Variants in PDE1A observed in about 807,000 individuals in gnomAD.
PDE1A encodes the protein phosphodiesterase 1A, also known as dual specificity calcium/calmodulin-dependent 3',5'-cyclic nucleotide phosphodiesterase 1A.
PDE1A carries 35 observed loss-of-function variants against 61.7 expected under a neutral mutation model. The ratio of observed to expected loss-of-function variants is 0.57; its 90% CI spans 0.43 to 0.75. PDE1A has a LOEUF of 0.75. PDE1A is among the 30% of genes least tolerant of loss of function. PDE1A has a pLI of 0.00. For missense variants in PDE1A, 597 were observed against 630.6 expected, an observed-to-expected ratio of 0.95 and a Z score of 0.57; for synonymous variants, 232 against 213.2, an observed-to-expected ratio of 1.09 and a Z score of -0.77.
At chr2:182,685,340 A>G in the PDE1A span, among the ~76,000 whole-genome samples, 1 of 152,142 alleles carries the variant, frequency 6.6e-6, no homozygotes, top group Non-Finnish European at 1.5e-5. Context: ...TTTTTAGTAA[A>G]TCAGCTAATG....
At chr2:182,445,857 C>A (rs1685096673) in intron 2 of PDE1A, among the ~76,000 whole-genome samples, 1 of 152,036 alleles carries the variant, frequency 6.6e-6, no homozygotes, top group Non-Finnish European at 1.5e-5. Flanking sequence ...AACCCTCAAT[C>A]ATGACATTTA....
the PDE1A span, among the ~76,000 whole-genome samples, chr2:182,690,350 C>T: frequency 6.6e-6 from 1 of 152,292 alleles, no homozygotes; most frequent in African/African-American, 2.4e-5. Context: ...TGGGCTTCAT[C>T]CCTGGGATGC....
the PDE1A span, among the ~76,000 whole-genome samples, chr2:182,683,095 C>CTTTTTTTTTTT: frequency 7.3e-6 from 1 of 137,872 alleles, no homozygotes; most frequent in African/African-American, 2.6e-5. Context: ...TTTTTCTTTT[C>CTTTTTTTTTTT]TTTTTTTTTT....
chr2:182,339,002 G>A (rs1022615509), intron 1 of PDE1A, among the ~76,000 whole-genome samples: 1 of 152,198 alleles, frequency 6.6e-6, no homozygotes, highest in African/African-American at 2.4e-5. Context: ...GTGTGTTTCT[G>A]AAGAATATGA....
chr2:182,353,208 A>T (rs1698990004), intron 1 of PDE1A, among the ~76,000 whole-genome samples: 1 of 152,216 alleles, frequency 6.6e-6, no homozygotes, highest in African/African-American at 2.4e-5. Flanking sequence ...TCTAAAAATT[A>T]ATCTGCTAAT....
chr2:182,549,302 C>T, the PDE1A span, among the ~76,000 whole-genome samples: 1 of 151,792 alleles, frequency 6.6e-6, no homozygotes, highest in Non-Finnish European at 1.5e-5. Context: ...AATTACATTT[C>T]TATTAATTTA....
At chr2:182,471,636 T>G (rs1382334276) in intron 2 of PDE1A, among the ~76,000 whole-genome samples, 1 of 151,820 alleles carries the variant, frequency 6.6e-6, no homozygotes, top group Non-Finnish European at 1.5e-5. Flanking sequence ...CGTTACCATT[T>G]CCTTCTTTTT....
chr2:182,402,219 C>T (rs923479520), intron 1 of PDE1A, among the ~76,000 whole-genome samples: 1 of 152,108 alleles, frequency 6.6e-6, no homozygotes, highest in African/African-American at 2.4e-5. Context: ...ATAGCAAAGA[C>T]AATACTAAGC....
chr2:182,565,674 T>G, the PDE1A span, among the ~76,000 whole-genome samples: 1 of 152,184 alleles, frequency 6.6e-6, no homozygotes, highest in Non-Finnish European at 1.5e-5. Context: ...AGACTGTTCT[T>G]TTTTGGAAGA....
chr2:182,325,648 T>G (rs1345803990), intron 1 of PDE1A, among the ~76,000 whole-genome samples: 2 of 152,186 alleles, frequency 1.3e-5, no homozygotes. Flanking sequence ...CTGGGCGTGC[T>G]GCCTCACGTC....
At chr2:182,684,525 T>C in the PDE1A span, among the ~76,000 whole-genome samples, 1 of 152,212 alleles carries the variant, frequency 6.6e-6, no homozygotes, top group East Asian at 1.9e-4. Context: ...AAGAAGAAAA[T>C]TCTACAAGCT....
intron 13 of PDE1A, among the ~76,000 whole-genome samples, chr2:182,148,282 G>T (rs541230882): frequency 3.3e-5 from 5 of 152,176 alleles, no homozygotes; most frequent in Admixed American, 2.0e-4. Context: ...GTGTGTGGAG[G>T]GGGGTGGGGT....
chr2:182,431,118 C>A (rs369117617), upstream of PDE1A, among the ~76,000 whole-genome samples: 84 of 86,550 alleles, frequency 9.7e-4, no homozygotes, highest in Non-Finnish European at 1.2e-3. Context: ...AAAAAAAAAA[C>A]ATTAAAAAAA....
intron 1 of PDE1A, among the ~76,000 whole-genome samples, chr2:182,393,913 C>G (rs1701558193): frequency 6.6e-6 from 1 of 152,176 alleles, no homozygotes; most frequent in African/African-American, 2.4e-5. Flanking sequence ...TTGGTTAAAG[C>G]CATTCAACAA....
At chr2:182,554,226 C>T in the PDE1A span, among the ~76,000 whole-genome samples, 3 of 152,096 alleles carry the variant, frequency 2.0e-5, no homozygotes, top group Non-Finnish European at 4.4e-5. Context: ...TGTTTGGAAA[C>T]CAAATTTTCT....
intron 1 of PDE1A, among the ~76,000 whole-genome samples, chr2:182,318,175 C>A (rs111268214): frequency 6.6e-6 from 1 of 152,122 alleles, no homozygotes; most frequent in Non-Finnish European, 1.5e-5. Context: ...TTTTAGCTGA[C>A]TTAATATGTC....
At chr2:182,207,492 G>C (rs12477627) in intron 7 of PDE1A, among the ~76,000 whole-genome samples, 111,956 of 152,154 alleles carry the variant, frequency 0.74, 41,378 homozygotes, top group East Asian at 0.91. Context: ...TTGGCTGTTT[G>C]TAAAAGCCTA....
the PDE1A span, among the ~76,000 whole-genome samples, chr2:182,563,107 G>A: frequency 1.3e-5 from 2 of 152,104 alleles, no homozygotes; most frequent in African/African-American, 4.8e-5. Flanking sequence ...ACTTTTGAAT[G>A]TGTTTGCTCT....
Position 182,406,883 on chromosome 2 carries a change from G to C in PDE1A, c.53+19695C>G, listed in dbSNP as rs1702327315. Among the ~76,000 whole-genome samples, 4 of 151,904 alleles carry C rather than the reference G, an allele frequency of 2.6e-5. No homozygotes were observed. In the South Asian group the frequency reaches 8.3e-4, roughly 32 times the overall value. On this transcript the variant is annotated intron_variant, in intron 1 of 13. Coordinates refer to ENST00000351439, the Ensembl canonical transcript of PDE1A. ...CAAAAGTGAAAAGGTATACCTTCTT[G>C]TTGCTCTGTCACAGTAATCAATACT...
Sources: gnomAD v4.1 joint callset for allele counts (sites outside exome capture counted in the v4.1 genomes callset) on GRCh38, gnomAD v4.1.1 for gene constraint, MANE v1.5 for transcripts, NCBI Gene and HGNC (gene_info 2026-07-23, HGNC 2026-07-21) for gene names.